The following PTPRB variants were observed in gnomAD, a reference collection of about 807,000 sequenced individuals.
PTPRB encodes receptor-type tyrosine-protein phosphatase beta.
PTPRB carries 97 observed loss-of-function variants against 238.1 expected under a neutral mutation model. The observed-to-expected ratio is 0.41, with a 90% CI of 0.35 to 0.48. The LOEUF is 0.48. Ranked by LOEUF, PTPRB falls within the 20% of genes least tolerant of loss-of-function variation. PTPRB has a pLI of 0.30. For synonymous variants in PTPRB, 970 were observed against 995.4 expected (o/e 0.97, Z 0.48); for missense variants, 2,292 against 2,681.9 (o/e 0.85, Z 3.21).
chr12:70,538,956 C>T lies in PTPRB; in HGVS notation c.5837G>A (p.Arg1946Lys), dbSNP rs764303487. The change falls in exon 27 of 34, where the codon AGA becomes AAA. Residue 1946 changes from arginine to lysine, a missense_variant. Physicochemically the swap from Arg to Lys is conservative, Grantham distance 26. This residue lies in a region of PTPRB where 397 missense variants were observed against 502.0 expected (regional missense o/e 0.79). Transcript: ENST00000334414. The stretch of plus-strand genomic sequence containing the variant: ...TATATTGTTGTATCGATTTTTCCCT[C>T]TATTCTCCGGCAAGAGTGCAATGTC... ...SCDIALLPEN[R>K]GKNRYNNILP... The T allele has an allele frequency of 6.2e-7, 1 of 1,613,722 alleles. No individual in the cohort carries two copies. The highest frequency in any genetic ancestry group is 8.5e-7 in the Non-Finnish European group (1 of 1,179,752).
At chr12:70,538,313 T>C (rs1012082353) in intron 27 of PTPRB, 82 bp from the exon 28 acceptor site, 1 of 1,162,850 alleles carries the variant, frequency 8.6e-7, no homozygotes. Flanking sequence ...TTAGCTCTGA[T>C]CCCCACAACA....
intron 30 of PTPRB, 76 bp downstream of exon 30, chr12:70,534,757 G>A: frequency 6.2e-7 from 1 of 1,600,038 alleles, no homozygotes; most frequent in Non-Finnish European, 8.5e-7. Flanking sequence ...TACAAGAGAG[G>A]AACCAGCGAA....
intron 21 of PTPRB, among the ~76,000 whole-genome samples, chr12:70,548,340 TCTCTCTCACACACACACACACACA>T (rs1876361288): frequency 1.7e-5 from 1 of 58,102 alleles, no homozygotes; most frequent in Non-Finnish European, 2.9e-5. Context: ...TCTCTCTCTC[TCTCTCTCACACACACACACACACA>T]CACACACACA....
chr12:70,543,493 T>A (rs952465954), intron 22 of PTPRB, among the ~76,000 whole-genome samples: 3 of 152,216 alleles, frequency 2.0e-5, no homozygotes, highest in African/African-American at 7.2e-5. Context: ...AGTAAAGACA[T>A]CTAAATCCTC....
chr12:70,524,425 T>A, intron 33 of PTPRB, 46 bp downstream of exon 33: 1 of 1,545,246 alleles, frequency 6.5e-7, no homozygotes, highest in Non-Finnish European at 8.8e-7. Context: ...AGATTGACCA[T>A]ATCTTGATGA....
At chr12:70,551,465 T>A (rs1461782341) in intron 21 of PTPRB, among the ~76,000 whole-genome samples, 1 of 152,180 alleles carries the variant, frequency 6.6e-6, no homozygotes, top group Non-Finnish European at 1.5e-5. Context: ...AACATCTGTC[T>A]GACTTTTTTG....
At chr12:70,587,322 G>A in intron 8 of PTPRB, 55 bp from the exon 9 acceptor site, 1 of 1,560,904 alleles carries the variant, frequency 6.4e-7, no homozygotes, top group Non-Finnish European at 8.7e-7. Context: ...TATTCATAGG[G>A]TATACTTTTG....
intron 15 of PTPRB, among the ~76,000 whole-genome samples, chr12:70,564,868 AATAATAATAATAATAAT>A (rs1202389768): frequency 1.6e-3 from 148 of 94,098 alleles, no homozygotes; most frequent in African/African-American, 4.7e-3. Context: ...TAATAATAAT[AATAATAATAATAATAAT>A]AATAAATAGA....
rs35282304 is a variant in PTPRB at position 70,520,265 on chromosome 12, AAAGT to A, written c.*1220_*1223del. On this transcript the variant is annotated 3_prime_UTR_variant, in exon 34 of 34. Coordinates refer to ENST00000334414, the MANE Select transcript of PTPRB (RefSeq NM_001109754.4). ...TGACTCATTGGAATTTGTTATAGTC[AAAGT>A]AAGTAAGGCACAAATATTGAAGATA... 1 of 458,772 alleles carries A rather than the reference AAAGT, an allele frequency of 2.2e-6. No individual in the cohort carries two copies. Among genetic ancestry groups the A allele is most frequent in the South Asian group, 1.6e-5 (1 of 63,904 alleles). The allele number at this position is 458,772 out of a possible 1,614,324, so 28.4% of individuals were successfully genotyped here. A position where few individuals can be genotyped will look rare whatever the true frequency, so the allele number is the denominator to read the frequency against.
chr12:70,555,101 C>T, intron 20 of PTPRB, 59 bp downstream of exon 20: 1 of 1,552,610 alleles, frequency 6.4e-7, no homozygotes, highest in South Asian at 1.2e-5. Flanking sequence ...AGATCTCCCA[C>T]ATGACCTCTG....
At chr12:70,559,669 C>A in intron 17 of PTPRB, 45 bp from the exon 18 acceptor site, 1 of 1,512,724 alleles carries the variant, frequency 6.6e-7, no homozygotes, top group Non-Finnish European at 9.1e-7. Flanking sequence ...ACAGCTATGC[C>A]ATAACATATA....
At chr12:70,530,434 TACATATACACATGC>T (rs1314190558) in intron 32 of PTPRB, among the ~76,000 whole-genome samples, 7 of 152,160 alleles carry the variant, frequency 4.6e-5, no homozygotes, top group South Asian at 2.1e-4. Context: ...TATAGGTGTA[TACATATACACATGC>T]ACATATACAC....
chr12:70,590,366 T>C, intron 7 of PTPRB, 133 bp from the exon 8 acceptor site: 5 of 879,750 alleles, frequency 5.7e-6, no homozygotes, highest in Non-Finnish European at 6.7e-6. Flanking sequence ...CCTCTTGATG[T>C]CTGTGGATTG....
intron 3 of PTPRB, chr12:70,609,954 G>GC: frequency 7.9e-6 from 5 of 631,964 alleles, no homozygotes; most frequent in Non-Finnish European, 1.1e-5. Flanking sequence ...CTGGCGACGC[G>GC]CAGGGGCCAC....
intron 23 of PTPRB, 115 bp from the exon 24 acceptor site, chr12:70,540,137 T>C: frequency 1.2e-6 from 1 of 835,326 alleles, no homozygotes; most frequent in South Asian, 1.8e-5. Context: ...TCAGTATTCA[T>C]ACAGATTTGC....
chr12:70,590,372 G>T, intron 7 of PTPRB, 139 bp from the exon 8 acceptor site: 1 of 813,250 alleles, frequency 1.2e-6, no homozygotes, highest in South Asian at 2.7e-5. Flanking sequence ...GATGTCTGTG[G>T]ATTGCAAATG....
intron 4 of PTPRB, among the ~76,000 whole-genome samples, chr12:70,607,056 G>A (rs1395910240): frequency 6.6e-6 from 1 of 152,098 alleles, no homozygotes; most frequent in Middle Eastern, 3.2e-3. Flanking sequence ...CACTCAACAT[G>A]GTCAATAAAA....
chr12:70,566,677 G>A lies in PTPRB; in HGVS notation c.3662C>T (p.Ala1221Val), dbSNP rs1299826454. 3 of 1,613,914 alleles carry A rather than the reference G, an allele frequency of 1.9e-6. No homozygotes were observed. In the Admixed American group the frequency reaches 5.0e-5, roughly 27 times the overall value. Residue 1221 changes from alanine (A) to valine (V), a missense_variant, in exon 15 of 34, where the codon GCA becomes GTA. By Grantham distance (64) the Ala-to-Val change is moderately conservative. Transcript: ENST00000334414. ...TVPASVQGVIADNAYSSYSLI... is the reference protein window; with the variant it reads ...TVPASVQGVIVDNAYSSYSLI... ...GGAATAACTGCTGTATGCATTGTCT[G>A]CAATTACTCCTTGGACAGATGCTGG...
chr12:70,547,360 C>G (rs1436244365), intron 21 of PTPRB, among the ~76,000 whole-genome samples: 2 of 152,170 alleles, frequency 1.3e-5, no homozygotes, highest in African/African-American at 4.8e-5. Context: ...GTGTGTTTTG[C>G]TAATTTTGGA....
Sources: gnomAD v4.1 joint callset for allele counts (sites outside exome capture counted in the v4.1 genomes callset) on GRCh38, gnomAD v4.1.1 for gene constraint, gnomAD v4.1.1 regional missense constraint, MANE v1.5 for transcripts, NCBI Gene and HGNC (gene_info 2026-07-23, HGNC 2026-07-21) for gene names.